Variants in SUGCT observed in about 807,000 individuals in gnomAD.
SUGCT encodes succinyl-CoA:glutarate CoA-transferase.
In SUGCT, 41 loss-of-function variants were observed where a neutral mutation model predicts 55.0. The ratio of observed to expected loss-of-function variants is 0.74; its 90% CI spans 0.58 to 0.97. The LOEUF is 0.97. Ranked by LOEUF, SUGCT falls within the 50% of genes least tolerant of loss-of-function variation. SUGCT has a pLI of 0.00. For synonymous variants in SUGCT, 187 were observed against 200.4 expected, an observed-to-expected ratio of 0.93 and a Z score of 0.56; for missense variants, 568 against 547.8, an observed-to-expected ratio of 1.04 and a Z score of -0.37.
At chr7:40,794,417 G>C (rs934611621) in intron 13 of SUGCT, among the ~76,000 whole-genome samples, 2 of 151,994 alleles carry the variant, frequency 1.3e-5, no homozygotes, top group Admixed American at 1.3e-4. Flanking sequence ...GCTGTGTCAG[G>C]GTTCTTGCCA....
At chr7:40,904,166 A>T in the SUGCT span, among the ~76,000 whole-genome samples, 1 of 152,242 alleles carries the variant, frequency 6.6e-6, no homozygotes, top group Non-Finnish European at 1.5e-5. Flanking sequence ...AGCAGCGAGT[A>T]CTTTTAAAGC....
intron 12 of SUGCT, among the ~76,000 whole-genome samples, chr7:40,746,769 T>G (rs1177670920): frequency 6.6e-6 from 1 of 152,220 alleles, no homozygotes; most frequent in East Asian, 1.9e-4. Context: ...GTTTGACACT[T>G]AACGTTTGCT....
At chr7:40,571,431 T>A (rs1187152954) in intron 12 of SUGCT, among the ~76,000 whole-genome samples, 1 of 152,230 alleles carries the variant, frequency 6.6e-6, no homozygotes, top group African/African-American at 2.4e-5. Flanking sequence ...GAGTTCCATG[T>A]CTAATCATTT....
intron 12 of SUGCT, among the ~76,000 whole-genome samples, chr7:40,551,132 G>T (rs981187233): frequency 1.3e-5 from 2 of 152,086 alleles, no homozygotes; most frequent in Admixed American, 6.5e-5. Flanking sequence ...TGCCCAGCAG[G>T]TTCTCCTAGG....
intron 7 of SUGCT, among the ~76,000 whole-genome samples, chr7:40,246,787 C>T (rs975399408): frequency 1.3e-5 from 2 of 151,500 alleles, no homozygotes; most frequent in African/African-American, 2.4e-5. Context: ...TTGGTAGAGA[C>T]GAGGTTTTGC....
chr7:40,864,245 C>T (rs1412191534), downstream of SUGCT, among the ~76,000 whole-genome samples: 1 of 152,118 alleles, frequency 6.6e-6, no homozygotes, highest in Admixed American at 6.5e-5. Flanking sequence ...CAACCTTTGC[C>T]TCCCAGGTTC....
intron 9 of SUGCT, among the ~76,000 whole-genome samples, chr7:40,402,990 C>T (rs1786163448): frequency 6.6e-6 from 1 of 152,186 alleles, no homozygotes; most frequent in African/African-American, 2.4e-5. Flanking sequence ...AGGTTAGAGG[C>T]AGCCCACGGC....
the SUGCT span, among the ~76,000 whole-genome samples, chr7:40,952,048 T>C: frequency 0.33 from 49,435 of 152,038 alleles, 8,863 homozygotes; most frequent in Admixed American, 0.44. Context: ...ATGTTGGCAG[T>C]GGGGTGTTAA....
chr7:40,235,467 C>A (rs761099106), intron 6 of SUGCT, among the ~76,000 whole-genome samples: 1 of 152,082 alleles, frequency 6.6e-6, no homozygotes, highest in Non-Finnish European at 1.5e-5. Flanking sequence ...AGCTGGACTA[C>A]GGGCATGCAC....
intron 12 of SUGCT, among the ~76,000 whole-genome samples, chr7:40,705,279 CA>C (rs1400421366): frequency 1.3e-5 from 2 of 152,158 alleles, no homozygotes; most frequent in Non-Finnish European, 2.9e-5. Flanking sequence ...AGTGCAATAT[CA>C]AAACCAGAAA....
At chr7:40,238,557 A>T (rs571605664) in intron 7 of SUGCT, among the ~76,000 whole-genome samples, 2 of 152,282 alleles carry the variant, frequency 1.3e-5, no homozygotes, top group East Asian at 1.9e-4. Flanking sequence ...TCTTCTAGTT[A>T]ATTCTTCAGG....
At position 40,732,412 on chromosome 7, in the gene SUGCT, T is replaced by C. The variant is rs1786939276; in HGVS notation, c.1090-17022T>C. 4.6e-5 allele frequency among the ~76,000 whole-genome samples: 7 copies of C among 152,220 alleles called. No homozygotes were observed. The South Asian group carries it at 1.0e-3, about 23-fold the overall frequency. ...CATCTGAAAAGACTCTTTTTCTAAATAAGGTAACATAATCCAGGAGTGGGA... is the reference window on the plus strand; with the variant it reads ...CATCTGAAAAGACTCTTTTTCTAAACAAGGTAACATAATCCAGGAGTGGGA... On this transcript the variant is annotated intron_variant, in intron 12 of 13. Transcript: ENST00000335693.
At chr7:40,922,946 G>C in the SUGCT span, among the ~76,000 whole-genome samples, 1 of 152,216 alleles carries the variant, frequency 6.6e-6, no homozygotes, top group Non-Finnish European at 1.5e-5. Flanking sequence ...GAGCTGTCTT[G>C]AAAGTGCCCA....
At chr7:40,436,139 C>G (rs1430588699) in intron 9 of SUGCT, among the ~76,000 whole-genome samples, 1 of 151,916 alleles carries the variant, frequency 6.6e-6, no homozygotes, top group Admixed American at 6.6e-5. Context: ...GACAGGGTTT[C>G]GTCATGTTGG....
At chr7:40,209,847 T>G (rs1787231846) in intron 6 of SUGCT, among the ~76,000 whole-genome samples, 1 of 152,132 alleles carries the variant, frequency 6.6e-6, no homozygotes, top group Non-Finnish European at 1.5e-5. Flanking sequence ...ATTTTTAAAA[T>G]TTCAATCCAA....
intron 13 of SUGCT, chr7:40,782,531 A>C (rs1584434064): frequency 6.6e-6 from 1 of 152,172 alleles, no homozygotes; most frequent in African/African-American, 2.4e-5. Context: ...TTCTAGCAAA[A>C]TCATTAGCAG....
chr7:40,910,130 A>G, the SUGCT span, among the ~76,000 whole-genome samples: 2 of 151,936 alleles, frequency 1.3e-5, no homozygotes, highest in Non-Finnish European at 2.9e-5. Context: ...TTCAACATGG[A>G]AAGTGCTTTC....
At chr7:40,550,273 T>G (rs1282371630) in intron 12 of SUGCT, among the ~76,000 whole-genome samples, 1 of 152,260 alleles carries the variant, frequency 6.6e-6, no homozygotes, top group Non-Finnish European at 1.5e-5. Context: ...TGCCTTCTCC[T>G]CTGCTATTGG....
the SUGCT span, among the ~76,000 whole-genome samples, chr7:40,995,034 T>G: frequency 2.4e-4 from 36 of 152,182 alleles, no homozygotes; most frequent in Non-Finnish European, 4.7e-4. Flanking sequence ...AGGTATTCCT[T>G]TATAGCGACA....
Sources: allele counts gnomAD v4.1 joint callset (sites outside exome capture counted in the v4.1 genomes callset), GRCh38; gene constraint gnomAD v4.1.1; transcripts MANE v1.5; gene names NCBI Gene and HGNC (gene_info 2026-07-23, HGNC 2026-07-21).